FLT4: variants seen among roughly 807,000 people sequenced by gnomAD.
The protein encoded by FLT4 is fms related receptor tyrosine kinase 4, also known as vascular endothelial growth factor receptor 3.
FLT4 carries 30 observed loss-of-function variants against 163.2 expected under a neutral mutation model. That is an observed-to-expected ratio of 0.18 (90% CI 0.14 to 0.25). The LOEUF (loss-of-function observed/expected upper bound fraction) is 0.25. Among genes scored for constraint, FLT4 ranks in the 10% least tolerant of loss-of-function variants. FLT4 has a pLI of 1.00. For synonymous variants in FLT4, 884 were observed against 789.5 expected (o/e 1.12, Z -2.01); for missense variants, 1,510 against 1,863.8 (o/e 0.81, Z 3.50).
At chr5:180,650,041 G>A (rs1369768104), upstream of FLT4, among the ~76,000 whole-genome samples, 1 of 151,350 alleles carries the variant, frequency 6.6e-6, no homozygotes, top group Non-Finnish European at 1.5e-5. Flanking sequence ...AAAATAATAC[G>A]CCGAGCTTGG....
Position 180,630,253 on chromosome 5 carries a change from A to G in FLT4, c.485T>C (p.Ile162Thr), listed in dbSNP as rs2127837038. The change falls in exon 4 of 30, where the codon ATC becomes ACC. Residue 162 changes from isoleucine to threonine, a missense_variant. Around this residue, in one of 5 missense-constraint regions of FLT4, gnomAD observed 163 missense variants for 281.1 expected, o/e 0.58. Transcript: ENST00000261937. The surrounding 1 kb of genome is among the most constrained non-coding windows in gnomAD (Gnocchi z 6.3). ...GCGCAGCGTGACATTGAGGCCGGGG[A>G]TGGACACCAGACAGGGCACCCACAT... ...DAMWVPCLVS[I>T]PGLNVTLRSQ... 1 of 1,612,474 alleles carries G rather than the reference A, an allele frequency of 6.2e-7. No homozygotes were observed. The highest frequency in any genetic ancestry group is 8.5e-7 in the Non-Finnish European group (1 of 1,179,842).
At position 180,616,983 on chromosome 5, in the gene FLT4, A is replaced by T. The variant is rs1762742914; in HGVS notation, c.3013T>A (p.Trp1005Arg). The change falls in exon 22 of 30, where the codon TGG (tryptophan) becomes AGG (arginine). Residue 1005 changes from tryptophan (W) to arginine (R), a missense_variant. Trp to Arg is a moderately radical substitution (Grantham distance 101, BLOSUM62 -3). Coordinates refer to ENST00000261937, the MANE Select transcript of FLT4 (RefSeq NM_182925.5). Reference sequence around the variant, plus strand: ...TCTTCCATGGTCAGCGGGCTCAGCCACAGGTCCTCAGCTACACAGTGGAGC... The same window carrying T: ...TCTTCCATGGTCAGCGGGCTCAGCCTCAGGTCCTCAGCTACACAGTGGAGC... ...ASPDQEAEDL[W>R]LSPLTMEDLV... 1 of 1,612,926 alleles carries T rather than the reference A, an allele frequency of 6.2e-7. No homozygotes were observed. The highest frequency in any genetic ancestry group is 8.5e-7 in the Non-Finnish European group (1 of 1,179,844).
chr5:180,648,281 C>T (rs1212409847), intron 1 of FLT4, among the ~76,000 whole-genome samples: 3 of 152,166 alleles, frequency 2.0e-5, no homozygotes, highest in Non-Finnish European at 2.9e-5. Flanking sequence ...TTGAGCCAGA[C>T]CTGCCCCCTC....
chr5:180,627,305 CG>C lies in FLT4; in HGVS notation c.1104-1041del, dbSNP rs551224754. ...CAACTTGGACATCACAGCAGGGGCCCGGGGGGAGTGCCTGGCCTGGGGTCGC... is the reference window on the plus strand; with the variant it reads ...CAACTTGGACATCACAGCAGGGGCCCGGGGGAGTGCCTGGCCTGGGGTCGC... On this transcript the variant is annotated intron_variant, in intron 8 of 29. Coordinates refer to ENST00000261937, the MANE Select transcript of FLT4 (RefSeq NM_182925.5). 4.2e-3 allele frequency among the ~76,000 whole-genome samples: 641 copies of C among 152,166 alleles called. 4 individuals carry two copies. The highest frequency in any genetic ancestry group is 0.015 in the African/African-American group (606 of 41,538).
intron 10 of FLT4, among the ~76,000 whole-genome samples, chr5:180,624,833 G>GT (rs1377327067): frequency 6.6e-6 from 1 of 152,114 alleles, no homozygotes; most frequent in East Asian, 1.9e-4. Flanking sequence ...TGCCAGGATT[G>GT]GGGGGGTAGT....
At chr5:180,608,001 G>T (rs1001191437) in intron 29 of FLT4, 7 of 669,216 alleles carry the variant, frequency 1.0e-5, no homozygotes, top group South Asian at 9.7e-5. Flanking sequence ...CCCTTTCCTT[G>T]GAGGAGTCAG....
rs2127833405 is a variant in FLT4, at chr5:180,628,950, G to A, written c.1035C>T (p.Ala345=). The part of the protein sequence containing the change: ...VEWLKGPILE[A]TAGDELVKLP... ...GCTTCACCAGCTCGTCTCCTGCCGT[G>A]GCCTCCAGGATGGGTCCTTTGAGCC... Residue 345 remains alanine (A), a synonymous_variant, in exon 8 of 30, where the codon GCC becomes GCT. Transcript: ENST00000261937. The A allele has an allele frequency of 6.2e-7, 1 of 1,612,736 alleles. No homozygotes were observed. The highest frequency in any genetic ancestry group is 8.5e-7 in the Non-Finnish European group (1 of 1,179,952).
Position 180,609,036 on chromosome 5 carries a change from A to G in FLT4, c.3825T>C (p.Ser1275=), listed in dbSNP as rs1407525547. The G allele has an allele frequency of 6.2e-6, 10 of 1,614,062 alleles. No individual in the cohort carries two copies. Among genetic ancestry groups the G allele is most frequent in the Middle Eastern group, 1.6e-4 (1 of 6,062 alleles). The change falls in exon 29 of 30, where the codon AGT becomes AGC. Residue 1275 remains serine (S), a synonymous_variant. Transcript: ENST00000261937. ...ACTCCTCCGAGGCCAGCACCATCCC[A>G]CTGTCTGTCTGGTTGTCCTGTGTGG... is the stretch of plus-strand genomic sequence containing the variant. ...YKGSVDNQTD[S]GMVLASEEFE...
intron 2 of FLT4, 47 bp downstream of exon 2, chr5:180,631,628 TGCCTTGG>T (rs1031974190): frequency 2.5e-5 from 35 of 1,421,656 alleles, no homozygotes; most frequent in Non-Finnish European, 3.2e-5. Flanking sequence ...CACCACCTCC[TGCCTTGG>T]GCTTGTGCAG....
At chr5:180,638,038 G>T (rs1466049882) in intron 1 of FLT4, among the ~76,000 whole-genome samples, 2 of 152,060 alleles carry the variant, frequency 1.3e-5, no homozygotes, top group Non-Finnish European at 2.9e-5. Flanking sequence ...GACCTAGTGG[G>T]CACACAGGAT....
intron 1 of FLT4, among the ~76,000 whole-genome samples, chr5:180,648,863 G>A (rs1765609979): frequency 6.6e-6 from 1 of 152,154 alleles, no homozygotes; most frequent in African/African-American, 2.4e-5. Context: ...CTTCTGCGGC[G>A]CTGACAGCCC....
chr5:180,642,044 T>G (rs1459541160), intron 1 of FLT4, among the ~76,000 whole-genome samples: 1 of 151,966 alleles, frequency 6.6e-6, no homozygotes, highest in Non-Finnish European at 1.5e-5. Context: ...CCATCTCTAC[T>G]AAAAATACAA....
chr5:180,621,210 A>C lies in FLT4; in HGVS notation c.2063T>G (p.Leu688Arg). ...PRLTQNLTDL[L>R]VNVSDSLEMQ... Reference sequence around the variant, plus strand: ...CTCCAGCGAGTCGCTCACGTTCACCAGGAGGTCGGTCAAGTTCTGCGTGAG... The same window carrying C: ...CTCCAGCGAGTCGCTCACGTTCACCCGGAGGTCGGTCAAGTTCTGCGTGAG... Residue 688 changes from leucine to arginine, a missense_variant, in exon 14 of 30, where the codon CTG becomes CGG. This residue lies in a region of FLT4 where 878 missense variants were observed against 1,016.7 expected (regional missense o/e 0.86). Transcript: ENST00000261937. 3.7e-6 allele frequency: 6 copies of C among 1,612,754 alleles called. No individual in the cohort carries two copies. Among genetic ancestry groups the C allele is most frequent in the Non-Finnish European group, 5.1e-6 (6 of 1,179,938 alleles).
intron 1 of FLT4, among the ~76,000 whole-genome samples, chr5:180,640,694 C>A (rs1320220645): frequency 6.6e-6 from 1 of 152,236 alleles, no homozygotes; most frequent in African/African-American, 2.4e-5. Context: ...GCTGGGAGAG[C>A]CAGCCTTGCT....
Position 180,614,171 on chromosome 5 carries a change from C to G in FLT4, c.3228G>C (p.Leu1076=), listed in dbSNP as rs990187511. 4 of 1,612,480 alleles carry G rather than the reference C, an allele frequency of 2.5e-6. No individual in the cohort carries two copies. The change falls in exon 24 of 30, where the codon CTG becomes CTC. Residue 1076 remains leucine (L), a synonymous_variant. Transcript: ENST00000261937. ...PDYVRKGSAR[L]PLKWMAPESI... is the part of the protein sequence containing the mutation. ...TTTCAGGGGCCATCCACTTCAGGGG[C>G]AGCCGGGCCTGGGGAGACAGAGGGA...
chr5:180,640,899 G>T lies in FLT4; in HGVS notation c.58+8589C>A, dbSNP rs1264108689. Reference sequence around the variant, plus strand: ...CCTCTCTACGGGGCAGTGTGGGTGAGCGCTGGCCTTAGCTGGTTTCTGGGA... The same window carrying T: ...CCTCTCTACGGGGCAGTGTGGGTGATCGCTGGCCTTAGCTGGTTTCTGGGA... On this transcript the variant is annotated intron_variant, in intron 1 of 29. Transcript: ENST00000261937. 2.0e-5 allele frequency among the ~76,000 whole-genome samples: 3 copies of T among 152,346 alleles called. No individual in the cohort carries two copies. The East Asian group carries it at 5.8e-4, about 29-fold the overall frequency.
In FLT4 at chr5:180,614,189, C is replaced by CA. The variant is rs1422285027; in HGVS notation, c.3220-11dup. On this transcript the variant is annotated splice_polypyrimidine_tract_variant and intron_variant, in intron 23 of 29. Transcript: ENST00000261937. ...TCAGGGGCAGCCGGGCCTGGGGAGA[C>CA]AGAGGGAAGCTTGTCCCGTGGTGGA... is the stretch of plus-strand genomic sequence containing the variant. 31 of 1,590,098 alleles carry CA rather than the reference C, an allele frequency of 1.9e-5. No individual in the cohort carries two copies. The highest frequency in any genetic ancestry group is 2.5e-5 in the Non-Finnish European group (29 of 1,161,400).
At chr5:180,628,400 T>A (rs1763807970) in intron 8 of FLT4, among the ~76,000 whole-genome samples, 1 of 152,226 alleles carries the variant, frequency 6.6e-6, no homozygotes, top group Non-Finnish European at 1.5e-5. Flanking sequence ...GTCGGCCTCC[T>A]GGAAGCTCTC....
intron 29 of FLT4, among the ~76,000 whole-genome samples, chr5:180,603,668 A>G (rs371993765): frequency 2.1e-4 from 32 of 152,252 alleles, no homozygotes; most frequent in Admixed American, 9.2e-4. Context: ...TTGCTGGGAG[A>G]CCGAGGCGGG....
Sources: allele counts gnomAD v4.1 joint callset (sites outside exome capture counted in the v4.1 genomes callset), GRCh38; gene constraint gnomAD v4.1.1; regional missense constraint gnomAD v4.1.1; non-coding constraint Gnocchi (gnomAD v3.1); transcripts MANE v1.5; gene names NCBI Gene and HGNC (gene_info 2026-07-23, HGNC 2026-07-21).